Variants in ADD3 observed in about 807,000 individuals in gnomAD.
The protein encoded by ADD3 is adducin 3.
In ADD3, 25 loss-of-function variants were observed where a neutral mutation model predicts 80.2. That is an observed-to-expected ratio of 0.31 (90% confidence interval 0.23 to 0.44). The LOEUF (loss-of-function observed/expected upper bound fraction) is 0.44, where lower values mean the gene tolerates loss of function less well. ADD3 is among the 20% of genes least tolerant of loss of function. The pLI is 1.00. For synonymous variants in ADD3, 284 were observed against 289.6 expected (o/e 0.98, Z 0.20); for missense variants, 829 against 847.5 (o/e 0.98, Z 0.27).
chr10:110,117,254 A>G (rs1850857284), intron 4 of ADD3, 88 bp from the exon 5 acceptor site: 2 of 671,032 alleles, frequency 3.0e-6, no homozygotes, highest in Middle Eastern at 8.2e-4. Context: ...ATCTCTTACA[A>G]TTATTCATTG....
chr10:110,120,644 G>C (rs577157934), intron 8 of ADD3, among the ~76,000 whole-genome samples: 4 of 152,170 alleles, frequency 2.6e-5, no homozygotes, highest in South Asian at 2.1e-4. Flanking sequence ...CTGAGGAATC[G>C]CCACACTGAC....
upstream of ADD3, among the ~76,000 whole-genome samples, chr10:110,000,847 G>C (rs1451381007): frequency 1.3e-5 from 2 of 152,104 alleles, no homozygotes; most frequent in Non-Finnish European, 2.9e-5. Context: ...GGTTATTGTA[G>C]GTATGAGATG....
intron 1 of ADD3, among the ~76,000 whole-genome samples, chr10:110,013,193 T>G (rs190465546): frequency 1.3e-5 from 2 of 152,062 alleles, no homozygotes; most frequent in African/African-American, 2.4e-5. Flanking sequence ...ACCTCTGCCT[T>G]CTGGGTTCAA....
At chr10:110,097,366 G>A (rs1848293556) in intron 1 of ADD3, among the ~76,000 whole-genome samples, 1 of 152,126 alleles carries the variant, frequency 6.6e-6, no homozygotes, top group African/African-American at 2.4e-5. Flanking sequence ...GAAAATTGTG[G>A]TATTAATATT....
intron 8 of ADD3, among the ~76,000 whole-genome samples, chr10:110,121,282 G>A (rs199850153): frequency 6.6e-6 from 1 of 151,944 alleles, no homozygotes; most frequent in Admixed American, 6.6e-5. Context: ...TCAGGAGTTC[G>A]AGACCAGCCT....
At chr10:110,062,825 A>G (rs1047491799) in intron 1 of ADD3, among the ~76,000 whole-genome samples, 12 of 152,226 alleles carry the variant, frequency 7.9e-5, no homozygotes, top group Admixed American at 6.5e-4. Flanking sequence ...AAACAGTATT[A>G]GGCAAAAGTA....
intron 12 of ADD3, among the ~76,000 whole-genome samples, chr10:110,127,830 T>G (rs928378945): frequency 5.9e-5 from 9 of 152,148 alleles, no homozygotes; most frequent in African/African-American, 2.2e-4. Context: ...TTTCTTGATT[T>G]CCTCCTTTAC....
rs552138050 is a variant in ADD3, at chr10:110,134,227, T to C, written c.*609T>C. ...TGCCAAAAAAGTTGTTTTAATAAAC[T>C]ATAATTTTTGAAAACTTCCTTTTTT... On this transcript the variant is annotated 3_prime_UTR_variant, in exon 15 of 15. Transcript: ENST00000356080. The C allele has an allele frequency of 6.6e-6, 1 of 152,660 alleles. No individual in the cohort carries two copies. The highest frequency in any genetic ancestry group is 6.5e-5 in the Admixed American group (1 of 15,290). 9.5% of individuals were successfully genotyped at this position (152,660 alleles called of 1,614,324 possible).
chr10:110,025,082 G>A (rs1214968056), intron 1 of ADD3, among the ~76,000 whole-genome samples: 2 of 151,908 alleles, frequency 1.3e-5, no homozygotes, highest in Admixed American at 6.6e-5. Context: ...TTTTAATAGC[G>A]TCGGGGTTTT....
In ADD3 at chr10:110,101,454, T is replaced by C. The variant is rs115972687; in HGVS notation, c.195+606T>C. 7.7e-3 allele frequency among the ~76,000 whole-genome samples: 1,171 copies of C among 152,028 alleles called. 18 individuals are homozygous for C. Among genetic ancestry groups the C allele is most frequent in the African/African-American group, 0.025 (1,041 of 41,476 alleles). On this transcript the variant is annotated intron_variant, in intron 2 of 14. Transcript: ENST00000356080. ...TTTGAAACCAGCCTAGGCAGCATAG[T>C]GAATCCTTGTCTCTACAAAAAAATT...
intron 12 of ADD3, among the ~76,000 whole-genome samples, chr10:110,129,208 G>A (rs1852613403): frequency 6.8e-6 from 1 of 147,818 alleles, no homozygotes; most frequent in African/African-American, 2.5e-5. Context: ...GGAGCGCAAT[G>A]GCGTGACCTC....
At chr10:110,075,356 C>T (rs980446531) in intron 1 of ADD3, among the ~76,000 whole-genome samples, 1 of 151,334 alleles carries the variant, frequency 6.6e-6, no homozygotes, top group African/African-American at 2.4e-5. Context: ...TTTTTTAAAG[C>T]TATGAAATAA....
At chr10:110,059,190 G>T (rs558404615) in intron 1 of ADD3, among the ~76,000 whole-genome samples, 9 of 78,202 alleles carry the variant, frequency 1.2e-4, no homozygotes, top group African/African-American at 2.3e-4. Context: ...CACCCATACA[G>T]GCCGGGTACA....
intron 1 of ADD3, among the ~76,000 whole-genome samples, chr10:110,052,202 C>T (rs1332324748): frequency 6.6e-6 from 1 of 152,184 alleles, no homozygotes; most frequent in Non-Finnish European, 1.5e-5. Flanking sequence ...AGGGATCTTT[C>T]ATATCACCTC....
At chr10:109,999,463 C>T (rs1589677357) in intron 1 of ADD3, among the ~76,000 whole-genome samples, 1 of 152,232 alleles carries the variant, frequency 6.6e-6, no homozygotes, top group Non-Finnish European at 1.5e-5. Context: ...TTTTCTCCAG[C>T]AGGAATTGAC....
intron 1 of ADD3, among the ~76,000 whole-genome samples, chr10:110,081,880 G>T (rs73351035): frequency 1.3e-5 from 2 of 152,198 alleles, no homozygotes; most frequent in Non-Finnish European, 2.9e-5. Context: ...GCTGTCTACA[G>T]GATGTTGAAC....
At chr10:110,010,443 G>C (rs1407876210) in intron 1 of ADD3, among the ~76,000 whole-genome samples, 1 of 152,180 alleles carries the variant, frequency 6.6e-6, no homozygotes, top group Non-Finnish European at 1.5e-5. Flanking sequence ...GCGTGTTGGG[G>C]AACAGTCACA....
chr10:110,130,306 A>G, intron 12 of ADD3, 57 bp from the exon 13 acceptor site: 1 of 1,548,972 alleles, frequency 6.5e-7, no homozygotes, highest in South Asian at 1.1e-5. Flanking sequence ...GGATGGATGG[A>G]TAGATATATA....
intron 2 of ADD3, among the ~76,000 whole-genome samples, chr10:110,104,926 T>C (rs1849245361): frequency 6.6e-6 from 1 of 152,198 alleles, no homozygotes; most frequent in South Asian, 2.1e-4. Context: ...CTGTACCACT[T>C]ACAGCATTCA....
Sources: allele counts gnomAD v4.1 joint callset (sites outside exome capture counted in the v4.1 genomes callset), GRCh38; gene constraint gnomAD v4.1.1; transcripts MANE v1.5; gene names NCBI Gene and HGNC (gene_info 2026-07-23, HGNC 2026-07-21).